FXYD1: variants seen among roughly 807,000 people sequenced by gnomAD.
The protein encoded by FXYD1 is phospholemman.
FXYD1 carries 9 observed loss-of-function variants against 17.2 expected under a neutral mutation model. The ratio of observed to expected loss-of-function variants is 0.52; its 90% CI spans 0.32 to 0.91. FXYD1 has a LOEUF of 0.91. FXYD1 is among the 40% of genes least tolerant of loss of function. FXYD1 has a pLI of 0.04. For missense variants in FXYD1, 113 were observed against 120.6 expected (o/e 0.94, Z 0.29); for synonymous variants, 55 against 45.8 (o/e 1.20, Z -0.81).
intron 1 of FXYD1, 126 bp downstream of exon 1, chr19:35,139,020 T>C (rs2065226328): frequency 6.6e-6 from 1 of 152,230 alleles, no homozygotes; most frequent in African/African-American, 2.4e-5. Flanking sequence ...GGGAGTGTGG[T>C]TGAGGCAGTG....
chr19:35,142,356 TC>T, intron 5 of FXYD1, 115 bp from the exon 6 acceptor site: 1 of 770,356 alleles, frequency 1.3e-6, no homozygotes, highest in South Asian at 1.8e-5. Flanking sequence ...CTGCTCTTCG[TC>T]CATATCTGGG....
Position 35,140,067 on chromosome 19 carries a change from C to G in FXYD1, c.-4-9C>G, listed in dbSNP as rs368391129. 6 of 1,600,058 alleles carry G rather than the reference C, an allele frequency of 3.7e-6. No homozygotes were observed. Among genetic ancestry groups the G allele is most frequent in the Non-Finnish European group, 4.3e-6 (5 of 1,167,814 alleles). On this transcript the variant is annotated splice_polypyrimidine_tract_variant and intron_variant, in intron 1 of 7. Transcript: ENST00000351325. ...GCACACACTGCCTAATCCGTGGTGT[C>G]CCCCCCAGGACAATGGCGTCTCTTG...
At chr19:35,142,164 CT>C (rs373044206) in intron 5 of FXYD1, 9 of 334,762 alleles carry the variant, frequency 2.7e-5, no homozygotes, top group African/African-American at 1.3e-4. Flanking sequence ...ATGGGGGGTT[CT>C]GGGTTTCCAA....
chr19:35,142,299 C>G (rs1435740204), intron 5 of FXYD1, 173 bp from the exon 6 acceptor site: 3 of 593,848 alleles, frequency 5.1e-6, no homozygotes, highest in Non-Finnish European at 8.9e-6. Context: ...CCCCTGCCAG[C>G]ACATAAGCTG....
In FXYD1 at chr19:35,141,129, C is replaced by T. The variant is rs1359600930; in HGVS notation, c.95-3C>T. On this transcript the variant is annotated splice_polypyrimidine_tract_variant and splice_region_variant and intron_variant, in intron 3 of 7. Coordinates refer to ENST00000351325, the MANE Select transcript of FXYD1 (RefSeq NM_021902.4). ...CTCACCTTCCCTGCTCTGCTGCTCACAGACTACCAGTCCCTGCAGATCGGA... is the reference window on the plus strand; with the variant it reads ...CTCACCTTCCCTGCTCTGCTGCTCATAGACTACCAGTCCCTGCAGATCGGA... 1 of 1,597,318 alleles carries T rather than the reference C, an allele frequency of 6.3e-7. No individual in the cohort carries two copies. Among genetic ancestry groups the T allele is most frequent in the Admixed American group, 1.7e-5 (1 of 59,968 alleles).
Position 35,140,918 on chromosome 19 carries a change from C to T in FXYD1, c.95-214C>T, listed in dbSNP as rs1428013346. On this transcript the variant is annotated intron_variant, in intron 3 of 7. Transcript: ENST00000351325. ...CCCGTCTTCTCTCCCCCCTGTCCTC[C>T]TCCTCCCTGTCCCCTCCCTCCCTTT... The T allele has an allele frequency of 1.1e-5, 6 of 568,738 alleles. No homozygotes were observed. The East Asian group carries it at 1.5e-4, about 14-fold the overall frequency. 35.2% of individuals were successfully genotyped at this position (568,738 alleles called of 1,614,324 possible).
chr19:35,142,601 T>C (rs368655960), intron 6 of FXYD1, 80 bp downstream of exon 6: 2 of 1,528,558 alleles, frequency 1.3e-6, no homozygotes. Flanking sequence ...CCTGGCTGCG[T>C]AGAGGGAAGG....
At position 35,141,920 on chromosome 19, in the gene FXYD1, C is replaced by T. The variant is rs533922974; in HGVS notation, c.206+348C>T. ...GTTTAGCTTAGAGTCTTGTTCCTAG[C>T]TCTTTGATTCCTCTTCGAATAAAAT... On this transcript the variant is annotated intron_variant, in intron 5 of 7. Coordinates refer to ENST00000351325, the MANE Select transcript of FXYD1 (RefSeq NM_021902.4). Among the ~76,000 whole-genome samples the T allele has an allele frequency of 3.3e-5, 5 of 152,362 alleles. No homozygotes were observed. The East Asian group carries it at 9.6e-4, about 29-fold the overall frequency.
chr19:35,143,062 C>A lies in FXYD1; in HGVS notation c.*175C>A. On this transcript the variant is annotated 3_prime_UTR_variant, in exon 8 of 8. Transcript: ENST00000351325. The surrounding 1 kb of genome is among the most constrained non-coding windows in gnomAD (Gnocchi z 4.3). Reference sequence around the variant, plus strand: ...TGCGTTCCTCTCGACAGCACTTTGTCGGTCTCGGTCCCTCAGCGCGAAACG... The same window carrying A: ...TGCGTTCCTCTCGACAGCACTTTGTAGGTCTCGGTCCCTCAGCGCGAAACG... The A allele has an allele frequency of 1.3e-5, 7 of 534,732 alleles. No individual in the cohort carries two copies. The highest frequency in any genetic ancestry group is 2.3e-5 in the Non-Finnish European group (7 of 303,772). The allele number at this position is 534,732 out of a possible 1,614,324, so 33.1% of individuals were successfully genotyped here.
intron 3 of FXYD1, chr19:35,140,910 C>G (rs75608079): frequency 5.1e-6 from 3 of 589,934 alleles, no homozygotes; most frequent in East Asian, 2.9e-5. Context: ...TCTCTCCCCC[C>G]TGTCCTCCTC....
chr19:35,142,617 A>C, intron 6 of FXYD1, 96 bp downstream of exon 6: 11 of 1,541,626 alleles, frequency 7.1e-6, no homozygotes, highest in Non-Finnish European at 9.9e-6. Context: ...GAAGGGCTGG[A>C]TCTGAAAGCG....
chr19:35,140,711 G>A (rs2065243625), intron 3 of FXYD1, 82 bp downstream of exon 3: 2 of 1,136,712 alleles, frequency 1.8e-6, no homozygotes, highest in Non-Finnish European at 2.7e-6. Context: ...CTCCCCCAGA[G>A]TCCCAGTATT....
At position 35,140,060 on chromosome 19, in the gene FXYD1, G is replaced by A. The variant is rs201774573; in HGVS notation, c.-4-16G>A. ...AGCAAGGGCACACACTGCCTAATCC[G>A]TGGTGTCCCCCCCAGGACAATGGCG... is the stretch of plus-strand genomic sequence containing the variant. On this transcript the variant is annotated splice_polypyrimidine_tract_variant and intron_variant, in intron 1 of 7. Transcript: ENST00000351325. The A allele has an allele frequency of 5.6e-6, 9 of 1,610,480 alleles. No individual in the cohort carries two copies. The highest frequency in any genetic ancestry group is 3.3e-5 in the Admixed American group (2 of 59,982).
chr19:35,141,261 T>TCTGGCCCCGCCTCTCC, intron 4 of FXYD1, 55 bp downstream of exon 4: 5 of 881,284 alleles, frequency 5.7e-6, no homozygotes, highest in South Asian at 4.5e-5. Flanking sequence ...CCCACCTCTC[T>TCTGGCCCCGCCTCTCC]CTGGCCCCGC....
intron 3 of FXYD1, chr19:35,140,916 T>C: frequency 2.1e-6 from 1 of 473,430 alleles, no homozygotes; most frequent in South Asian, 2.3e-5. Context: ...CCCCCTGTCC[T>C]CCTCCTCCCT....
At chr19:35,139,920 TG>T in intron 1 of FXYD1, 155 bp from the exon 2 acceptor site, 1 of 636,544 alleles carries the variant, frequency 1.6e-6, no homozygotes, top group Non-Finnish European at 2.8e-6. Context: ...CCCACGAAGC[TG>T]GGGATACCCG....
chr19:35,142,662 T>A, intron 6 of FXYD1, 58 bp from the exon 7 acceptor site: 1 of 1,593,790 alleles, frequency 6.3e-7, no homozygotes, highest in Non-Finnish European at 8.6e-7. Flanking sequence ...GGGCCCCACC[T>A]GCCCAGGAGC....
intron 2 of FXYD1, 97 bp downstream of exon 2, chr19:35,140,237 G>A (rs917585577): frequency 6.5e-6 from 5 of 774,826 alleles, no homozygotes; most frequent in East Asian, 2.4e-5. Flanking sequence ...AGACTAAGTC[G>A]GCTGGGGTAC....
upstream of FXYD1, among the ~76,000 whole-genome samples, chr19:35,137,388 T>G (rs963482656): frequency 3.3e-5 from 5 of 152,262 alleles, no homozygotes; most frequent in African/African-American, 1.2e-4. Context: ...TGTGTCAGCC[T>G]GCGCATCTGT....
Sources: gnomAD v4.1 joint callset for allele counts (sites outside exome capture counted in the v4.1 genomes callset) on GRCh38, gnomAD v4.1.1 for gene constraint, Gnocchi (gnomAD v3.1) non-coding constraint, MANE v1.5 for transcripts, NCBI Gene and HGNC (gene_info 2026-07-23, HGNC 2026-07-21) for gene names.